The following NLRP14 variants were observed in gnomAD, a reference collection of about 807,000 sequenced individuals.
The protein encoded by NLRP14 is NLR family pyrin domain containing 14.
Under a neutral mutation model 94.7 loss-of-function variants are expected in NLRP14, and 105 were observed. That is an observed-to-expected ratio of 1.11 (90% CI 0.95 to 1.30). NLRP14 has a LOEUF of 1.30. NLRP14 is among the 50% of genes most tolerant of loss of function. NLRP14 has a pLI of 0.00. For missense variants in NLRP14, 1,362 were observed against 1,254.1 expected (o/e 1.09, Z -1.30); for synonymous variants, 508 against 459.9 (o/e 1.10, Z -1.34).
chr11:7,077,995 T>C, the NLRP14 span, among the ~76,000 whole-genome samples: 3 of 152,118 alleles, frequency 2.0e-5, no homozygotes, highest in Non-Finnish European at 4.4e-5. Flanking sequence ...AGAGTTTCAG[T>C]TTTGCAAGAC....
At position 7,028,199 on chromosome 11, in the gene NLRP14, T is replaced by G. The variant is rs1852041638; in HGVS notation, c.-22+7429T>G. Among the ~76,000 whole-genome samples the G allele has an allele frequency of 2.0e-5, 3 of 152,172 alleles. No homozygotes were observed. The South Asian group carries it at 6.2e-4, about 32-fold the overall frequency. On this transcript the variant is annotated intron_variant, in intron 1 of 11. Transcript: ENST00000299481. ...CAATGTTTAATAGGCATCCCAAATTTACCAAAAATGTACTCCTGAAATGCC... is the reference window on the plus strand; with the variant it reads ...CAATGTTTAATAGGCATCCCAAATTGACCAAAAATGTACTCCTGAAATGCC...
intron 9 of NLRP14, among the ~76,000 whole-genome samples, 195 bp downstream of exon 9, chr11:7,060,259 A>C (rs1852595886): frequency 6.6e-6 from 1 of 152,002 alleles, no homozygotes; most frequent in South Asian, 2.1e-4. Flanking sequence ...AGTAATTCTA[A>C]TAAACTTTCC....
At chr11:7,053,469 T>TTATATATATA (rs36002808) in intron 6 of NLRP14, among the ~76,000 whole-genome samples, 4 of 146,924 alleles carry the variant, frequency 2.7e-5, no homozygotes, top group African/African-American at 5.0e-5. Flanking sequence ...ATGATTTAAA[T>TTATATATATA]TATATATATA....
intron 4 of NLRP14, among the ~76,000 whole-genome samples, chr11:7,046,368 G>T (rs1256361431): frequency 6.6e-6 from 1 of 152,112 alleles, no homozygotes; most frequent in Non-Finnish European, 1.5e-5. Context: ...GGCTCTTCAA[G>T]TATTTGAATA....
intron 1 of NLRP14, among the ~76,000 whole-genome samples, chr11:7,026,681 ATGC>A (rs1306938170): frequency 6.6e-6 from 1 of 151,960 alleles, no homozygotes; most frequent in Non-Finnish European, 1.5e-5. Flanking sequence ...ATTATAAATC[ATGC>A]TGCTATAAAG....
At chr11:7,027,973 G>A (rs752891646) in intron 1 of NLRP14, among the ~76,000 whole-genome samples, 55 of 151,808 alleles carry the variant, frequency 3.6e-4, no homozygotes, top group Non-Finnish European at 1.3e-4. Context: ...TTTTATTACC[G>A]CCTCCCAGGT....
At chr11:7,062,282 T>A (rs945564363) in intron 9 of NLRP14, 51 bp from the exon 10 acceptor site, 2 of 1,507,428 alleles carry the variant, frequency 1.3e-6, no homozygotes, top group Admixed American at 1.7e-5. Context: ...GGAAGAAACT[T>A]ATTTAACCTC....
In NLRP14 at chr11:7,043,997, G is replaced by T. The variant is rs567325718; in HGVS notation, c.1958+13G>T. 1.9e-6 allele frequency: 3 copies of T among 1,613,304 alleles called. No individual in the cohort carries two copies. The South Asian group carries it at 3.3e-5, about 18-fold the overall frequency. On this transcript the variant is annotated intron_variant, in intron 4 of 11. Transcript: ENST00000299481. ...CAACTAACACTTGGTAAGTGTGTTA[G>T]GGCCATTCCCTGGAAGTGCCCTGTA...
intron 9 of NLRP14, among the ~76,000 whole-genome samples, chr11:7,061,389 T>C (rs1262958570): frequency 6.6e-6 from 1 of 152,082 alleles, no homozygotes; most frequent in African/African-American, 2.4e-5. Flanking sequence ...GTGACCTATA[T>C]ACCCAAGGTC....
intron 9 of NLRP14, 73 bp from the exon 10 acceptor site, chr11:7,062,260 G>A (rs965834575): frequency 2.4e-6 from 3 of 1,249,602 alleles, no homozygotes; most frequent in Non-Finnish European, 3.5e-6. Flanking sequence ...AAATACCTGG[G>A]TATATCTCCT....
chr11:7,081,274 G>C, the NLRP14 span, among the ~76,000 whole-genome samples: 25 of 152,186 alleles, frequency 1.6e-4, no homozygotes, highest in Admixed American at 9.8e-4. Context: ...AGGAGAAACG[G>C]TTAATGAATC....
intron 6 of NLRP14, 115 bp downstream of exon 6, chr11:7,049,953 C>T: frequency 1.1e-6 from 1 of 873,446 alleles, no homozygotes; most frequent in Non-Finnish European, 1.9e-6. Context: ...AATCTACTTT[C>T]ATGATATGGG....
intron 1 of NLRP14, among the ~76,000 whole-genome samples, chr11:7,033,946 C>A (rs900862407): frequency 2.0e-5 from 3 of 152,150 alleles, no homozygotes; most frequent in Non-Finnish European, 2.9e-5. Context: ...ATAGCACATA[C>A]GATCACAATG....
the NLRP14 span, chr11:7,088,917 C>T: frequency 2.1e-5 from 13 of 617,364 alleles, no homozygotes; most frequent in African/African-American, 1.3e-4. Context: ...TTCCCGACGG[C>T]GAATTGGCCC....
chr11:7,074,264 T>C (rs1244379343), downstream of NLRP14, among the ~76,000 whole-genome samples: 4 of 152,174 alleles, frequency 2.6e-5, no homozygotes, highest in Non-Finnish European at 5.9e-5. Flanking sequence ...GGTGCTGATA[T>C]CCACACAAAA....
chr11:7,072,122 T>C (rs187678981), downstream of NLRP14, among the ~76,000 whole-genome samples: 2 of 152,302 alleles, frequency 1.3e-5, no homozygotes, highest in Admixed American at 1.3e-4. Flanking sequence ...CTTAAAACAA[T>C]AATGATTTTA....
the NLRP14 span, among the ~76,000 whole-genome samples, chr11:7,083,290 G>A: frequency 1.3e-5 from 2 of 152,286 alleles, no homozygotes; most frequent in East Asian, 1.9e-4. Context: ...TGTTTCAAAT[G>A]CCCATTCCAA....
At chr11:7,048,847 C>G (rs1852398416) in intron 5 of NLRP14, among the ~76,000 whole-genome samples, 1 of 152,110 alleles carries the variant, frequency 6.6e-6, no homozygotes, top group Non-Finnish European at 1.5e-5. Context: ...GTCTGTGCCA[C>G]CTTAATGTGG....
chr11:7,078,587 T>C, the NLRP14 span, among the ~76,000 whole-genome samples: 13 of 151,314 alleles, frequency 8.6e-5, no homozygotes, highest in Non-Finnish European at 1.9e-4. Flanking sequence ...GTCAGGTGTT[T>C]GAGACCACCC....
Sources: gnomAD v4.1 joint callset for allele counts (sites outside exome capture counted in the v4.1 genomes callset) on GRCh38, gnomAD v4.1.1 for gene constraint, MANE v1.5 for transcripts, NCBI Gene and HGNC (gene_info 2026-07-23, HGNC 2026-07-21) for gene names.